WDPCP: variants seen among roughly 807,000 people sequenced by gnomAD.
The protein encoded by WDPCP is WD repeat containing planar cell polarity effector.
In WDPCP, 71 loss-of-function variants were observed where a neutral mutation model predicts 93.1. The ratio of observed to expected loss-of-function variants is 0.76; its 90% CI spans 0.63 to 0.93. The LOEUF (loss-of-function observed/expected upper bound fraction) is 0.93, where lower values mean the gene tolerates loss of function less well. Among genes scored for constraint, WDPCP ranks in the 40% least tolerant of loss-of-function variants. WDPCP has a pLI of 0.00. For synonymous variants in WDPCP, 315 were observed against 315.0 expected (o/e 1.00, Z 0.00); for missense variants, 844 against 887.4 (o/e 0.95, Z 0.62).
chr2:63,472,701 A>G (rs1016292299), intron 6 of WDPCP, among the ~76,000 whole-genome samples: 3 of 152,064 alleles, frequency 2.0e-5, no homozygotes, highest in Admixed American at 1.3e-4. Flanking sequence ...CTGGGATTAC[A>G]GGTGTGTGCC....
intron 7 of WDPCP, among the ~76,000 whole-genome samples, chr2:63,439,238 T>C (rs1334691795): frequency 6.6e-6 from 1 of 152,164 alleles, no homozygotes; most frequent in East Asian, 1.9e-4. Flanking sequence ...TACAGACTGA[T>C]TGAGATGTCA....
intron 2 of WDPCP, among the ~76,000 whole-genome samples, chr2:63,775,043 C>A (rs1670282261): frequency 6.6e-6 from 1 of 152,050 alleles, no homozygotes; most frequent in South Asian, 2.1e-4. Context: ...GATGCTAATC[C>A]CAAATCCAAC....
chr2:63,223,718 TA>T (rs1195561452), intron 14 of WDPCP, among the ~76,000 whole-genome samples: 2 of 152,160 alleles, frequency 1.3e-5, no homozygotes, highest in Non-Finnish European at 2.9e-5. Flanking sequence ...GTGTGTATGC[TA>T]TTAGGCGGGG....
intron 12 of WDPCP, among the ~76,000 whole-genome samples, chr2:63,359,211 A>G (rs1329623546): frequency 1.3e-5 from 2 of 152,196 alleles, no homozygotes; most frequent in Non-Finnish European, 1.5e-5. Flanking sequence ...TAGTTCCGAC[A>G]TCTACATTTA....
At chr2:63,467,028 T>A (rs1575474712) in intron 6 of WDPCP, among the ~76,000 whole-genome samples, 1 of 152,198 alleles carries the variant, frequency 6.6e-6, no homozygotes, top group East Asian at 1.9e-4. Flanking sequence ...GAAGACCAAG[T>A]GTTTCTTTGT....
At chr2:63,722,091 C>T (rs1457903502) in intron 2 of WDPCP, among the ~76,000 whole-genome samples, 1 of 152,166 alleles carries the variant, frequency 6.6e-6, no homozygotes, top group East Asian at 1.9e-4. Context: ...ACCTCCACCT[C>T]CCCGCCGCCT....
chr2:63,543,996 A>ATTTGGT (rs1704945568), intron 1 of WDPCP, among the ~76,000 whole-genome samples: 1 of 152,098 alleles, frequency 6.6e-6, no homozygotes, highest in Non-Finnish European at 1.5e-5. Context: ...CAATACAAAC[A>ATTTGGT]ATATACCAAT....
At chr2:63,329,291 C>T (rs190048117) in intron 12 of WDPCP, among the ~76,000 whole-genome samples, 23 of 152,172 alleles carry the variant, frequency 1.5e-4, no homozygotes, top group Admixed American at 1.2e-3. Flanking sequence ...TCATATTTGT[C>T]TGCTGTTCCT....
At chr2:63,698,339 C>T (rs1402400259) in intron 2 of WDPCP, among the ~76,000 whole-genome samples, 1 of 152,186 alleles carries the variant, frequency 6.6e-6, no homozygotes, top group Non-Finnish European at 1.5e-5. Context: ...AGAGAAGTCA[C>T]ATCCTATGGA....
At chr2:63,668,727 C>A (rs1575743023) in intron 2 of WDPCP, among the ~76,000 whole-genome samples, 2 of 152,090 alleles carry the variant, frequency 1.3e-5, no homozygotes, top group East Asian at 3.9e-4. Context: ...GACTTCGATT[C>A]TTTCCTCTTC....
At chr2:63,651,090 T>C (rs868706721) in intron 2 of WDPCP, among the ~76,000 whole-genome samples, 8 of 152,250 alleles carry the variant, frequency 5.3e-5, no homozygotes, top group Middle Eastern at 3.4e-3. Flanking sequence ...TTGGAGATGA[T>C]AGAACAACAA....
chr2:63,193,629 A>G (rs1675203764), intron 14 of WDPCP, among the ~76,000 whole-genome samples: 1 of 152,208 alleles, frequency 6.6e-6, no homozygotes, highest in Non-Finnish European at 1.5e-5. Flanking sequence ...TGGAAGTACA[A>G]GCACGAACCA....
At chr2:63,138,162 A>C (rs1480287647) in intron 17 of WDPCP, among the ~76,000 whole-genome samples, 1 of 150,976 alleles carries the variant, frequency 6.6e-6, no homozygotes, top group Non-Finnish European at 1.5e-5. Context: ...GTAATAAAAA[A>C]TTGCACTGCA....
At chr2:63,811,040 A>G (rs930305480) in intron 2 of WDPCP, among the ~76,000 whole-genome samples, 1 of 152,208 alleles carries the variant, frequency 6.6e-6, no homozygotes, top group Non-Finnish European at 1.5e-5. Context: ...ACTAACTCAT[A>G]AACACTTTGA....
intron 2 of WDPCP, among the ~76,000 whole-genome samples, chr2:63,667,548 G>A (rs1322201226): frequency 3.3e-5 from 5 of 152,084 alleles, no homozygotes; most frequent in Non-Finnish European, 5.9e-5. Flanking sequence ...GTTATATTAC[G>A]CACATTCAAA....
At chr2:63,545,338 A>T (rs563395649) in intron 1 of WDPCP, among the ~76,000 whole-genome samples, 266 of 148,950 alleles carry the variant, frequency 1.8e-3, no homozygotes, top group Middle Eastern at 0.017. Context: ...TGTGTGTGTG[A>T]GAGAGAGAGA....
chr2:63,199,779 C>T (rs1316776980), intron 14 of WDPCP, among the ~76,000 whole-genome samples: 1 of 152,200 alleles, frequency 6.6e-6, no homozygotes, highest in African/African-American at 2.4e-5. Flanking sequence ...TGGGGCACTG[C>T]CTAGTGGAGC....
chr2:63,624,270 A>G (rs1709782629), intron 3 of WDPCP, among the ~76,000 whole-genome samples: 1 of 152,208 alleles, frequency 6.6e-6, no homozygotes, highest in African/African-American at 2.4e-5. Flanking sequence ...TCACAATTAA[A>G]AGAACTAGAG....
At chr2:63,462,695 G>C (rs1699099743) in intron 6 of WDPCP, among the ~76,000 whole-genome samples, 1 of 152,016 alleles carries the variant, frequency 6.6e-6, no homozygotes, top group South Asian at 2.1e-4. Flanking sequence ...GAGAAATTTA[G>C]AAACTAAAAT....
Sources: allele counts gnomAD v4.1 joint callset (sites outside exome capture counted in the v4.1 genomes callset), GRCh38; gene constraint gnomAD v4.1.1; transcripts MANE v1.5; gene names NCBI Gene and HGNC (gene_info 2026-07-23, HGNC 2026-07-21).